Variants in RIMS1 observed in about 807,000 individuals in gnomAD.
RIMS1 encodes regulating synaptic membrane exocytosis 1.
In RIMS1, 83 loss-of-function variants were observed where a neutral mutation model predicts 214.1. That is an observed-to-expected ratio of 0.39 (90% CI 0.32 to 0.47). The LOEUF (loss-of-function observed/expected upper bound fraction) is 0.47. Among genes scored for constraint, RIMS1 ranks in the 20% least tolerant of loss-of-function variants. The pLI is 0.99. For synonymous variants in RIMS1, 793 were observed against 786.8 expected, an observed-to-expected ratio of 1.01 and a Z score of -0.13; for missense variants, 2,050 against 2,161.8, an observed-to-expected ratio of 0.95 and a Z score of 1.03.
At chr6:71,956,645 G>T (rs1297730515) in intron 1 of RIMS1, among the ~76,000 whole-genome samples, 3 of 152,112 alleles carry the variant, frequency 2.0e-5, no homozygotes, top group Admixed American at 6.6e-5. Flanking sequence ...GCTATTTCTT[G>T]TATCGACCTC....
chr6:71,951,790 G>A (rs1195741569), intron 1 of RIMS1, among the ~76,000 whole-genome samples: 1 of 151,822 alleles, frequency 6.6e-6, no homozygotes, highest in Admixed American at 6.6e-5. Flanking sequence ...TTATAGGCGT[G>A]AGCCACCATG....
intron 26 of RIMS1, among the ~76,000 whole-genome samples, chr6:72,301,064 G>A (rs2094557045): frequency 6.6e-6 from 1 of 151,654 alleles, no homozygotes; most frequent in African/African-American, 2.4e-5. Context: ...TTCTCATGCT[G>A]GTAGATGTAT....
At chr6:71,946,891 T>A (rs1279808980) in intron 1 of RIMS1, among the ~76,000 whole-genome samples, 1 of 152,054 alleles carries the variant, frequency 6.6e-6, no homozygotes, top group Non-Finnish European at 1.5e-5. Flanking sequence ...AATGTACATC[T>A]GATAAGAGGT....
intron 6 of RIMS1, among the ~76,000 whole-genome samples, chr6:72,205,143 A>G (rs2052684184): frequency 6.6e-6 from 1 of 152,174 alleles, no homozygotes; most frequent in African/African-American, 2.4e-5. Context: ...TTTGAACTAC[A>G]AAGAGGTAAC....
At chr6:72,377,879 A>C (rs1161531394) in intron 29 of RIMS1, among the ~76,000 whole-genome samples, 2 of 152,212 alleles carry the variant, frequency 1.3e-5, no homozygotes, top group Non-Finnish European at 2.9e-5. Flanking sequence ...ACTACTTCAT[A>C]TGAACGATAT....
intron 1 of RIMS1, among the ~76,000 whole-genome samples, chr6:71,911,307 C>G (rs1049491800): frequency 6.6e-5 from 10 of 152,150 alleles, no homozygotes; most frequent in Non-Finnish European, 1.2e-4. Flanking sequence ...CACACAAGAA[C>G]TGAGTTGGCC....
chr6:72,288,773 C>T (rs1334786870), intron 24 of RIMS1, among the ~76,000 whole-genome samples: 2 of 152,176 alleles, frequency 1.3e-5, no homozygotes, highest in African/African-American at 4.8e-5. Flanking sequence ...TTCCTTTCTT[C>T]CTCTGGCAAA....
At chr6:72,353,740 GT>G (rs1356648748) in intron 29 of RIMS1, among the ~76,000 whole-genome samples, 1 of 152,086 alleles carries the variant, frequency 6.6e-6, no homozygotes, top group East Asian at 1.9e-4. Flanking sequence ...CTTCTGGCTT[GT>G]TTATGTCTAC....
intron 1 of RIMS1, among the ~76,000 whole-genome samples, chr6:71,967,022 A>G (rs987243830): frequency 5.3e-5 from 8 of 152,232 alleles, no homozygotes; most frequent in African/African-American, 1.9e-4. Flanking sequence ...AAGATTTCTC[A>G]TAGATTTAAT....
At chr6:71,889,900 G>T (rs899306613) in intron 1 of RIMS1, among the ~76,000 whole-genome samples, 2 of 152,112 alleles carry the variant, frequency 1.3e-5, no homozygotes, top group South Asian at 4.1e-4. Context: ...TTCACAAAAC[G>T]CTCTACAAAG....
intron 2 of RIMS1, among the ~76,000 whole-genome samples, chr6:72,037,286 G>T (rs1397669343): frequency 6.6e-6 from 1 of 151,804 alleles, no homozygotes. Flanking sequence ...ATTTGGGGGC[G>T]TGTATAGGCA....
intron 26 of RIMS1, among the ~76,000 whole-genome samples, chr6:72,295,445 A>G (rs902287844): frequency 1.8e-4 from 27 of 151,786 alleles, no homozygotes; most frequent in Admixed American, 4.6e-4. Flanking sequence ...AATGGAATTT[A>G]TTTTTTGCTT....
intron 2 of RIMS1, among the ~76,000 whole-genome samples, chr6:71,988,673 T>G (rs907088464): frequency 3.3e-5 from 5 of 152,216 alleles, no homozygotes; most frequent in African/African-American, 1.2e-4. Context: ...TTGAGCATCT[T>G]CAACTAAACA....
At position 72,218,063 on chromosome 6, in the gene RIMS1, A is replaced by G. The variant is rs541927533; in HGVS notation, c.1679-15710A>G. On this transcript the variant is annotated intron_variant, in intron 6 of 33. Coordinates refer to ENST00000521978, the MANE Select transcript of RIMS1 (RefSeq NM_014989.7). ...ACACAATTATTAAATGTTCAAAGGT[A>G]TGCAGTTTTCCTAATACAAGAGGTA... Among the ~76,000 whole-genome samples the G allele has an allele frequency of 1.2e-4, 18 of 151,218 alleles. No homozygotes were observed. In the South Asian group the frequency reaches 3.1e-3, roughly 26 times the overall value.
At chr6:71,901,816 T>G (rs1773713170) in intron 1 of RIMS1, among the ~76,000 whole-genome samples, 2 of 152,122 alleles carry the variant, frequency 1.3e-5, no homozygotes, top group Non-Finnish European at 2.9e-5. Flanking sequence ...TGCAGAGACA[T>G]CAAATAGGAT....
chr6:72,122,095 G>A (rs1007371582), intron 4 of RIMS1, among the ~76,000 whole-genome samples: 4 of 151,814 alleles, frequency 2.6e-5, no homozygotes, highest in African/African-American at 9.7e-5. Flanking sequence ...TGTTCATCAG[G>A]GATATTTGTC....
chr6:72,122,545 G>A lies in RIMS1; in HGVS notation c.471+22559G>A, dbSNP rs1329167754. On this transcript the variant is annotated intron_variant, in intron 4 of 33. Transcript: ENST00000521978. ...TCTATTTATTGGAATAGTTTCAGAA[G>A]GAATGGTACCAGCTCCTCTTTGTGC... Among the ~76,000 whole-genome samples, 5 of 151,868 alleles carry A rather than the reference G, an allele frequency of 3.3e-5. No individual in the cohort carries two copies. In the East Asian group the frequency reaches 9.7e-4, roughly 29 times the overall value.
At chr6:71,997,567 G>A (rs1430843721) in intron 2 of RIMS1, among the ~76,000 whole-genome samples, 7 of 152,302 alleles carry the variant, frequency 4.6e-5, no homozygotes, top group Non-Finnish European at 1.5e-5. Flanking sequence ...GGGGAATGAT[G>A]TGTTTTGAAG....
chr6:72,099,663 A>C (rs1261468871), intron 3 of RIMS1, among the ~76,000 whole-genome samples: 1 of 152,098 alleles, frequency 6.6e-6, no homozygotes, highest in African/African-American at 2.4e-5. Flanking sequence ...TAGTGAATTA[A>C]CCTTCTTTAT....
Sources: gnomAD v4.1 joint callset for allele counts (sites outside exome capture counted in the v4.1 genomes callset) on GRCh38, gnomAD v4.1.1 for gene constraint, MANE v1.5 for transcripts, NCBI Gene and HGNC (gene_info 2026-07-23, HGNC 2026-07-21) for gene names.